ZNF862: variants seen among roughly 807,000 people sequenced by gnomAD.
The protein encoded by ZNF862 is zinc finger protein 862.
A neutral mutation model predicts 91.1 loss-of-function variants in ZNF862; 64 were observed. That is an observed-to-expected ratio of 0.70 (90% CI 0.57 to 0.87). The LOEUF (loss-of-function observed/expected upper bound fraction) is 0.87. Ranked by LOEUF, ZNF862 falls within the 40% of genes least tolerant of loss-of-function variation. The pLI, the probability that ZNF862 is intolerant of heterozygous loss-of-function variation, is 0.00. For missense variants in ZNF862, 1,459 were observed against 1,528.0 expected, an observed-to-expected ratio of 0.95 and a Z score of 0.75; for synonymous variants, 631 against 618.1, an observed-to-expected ratio of 1.02 and a Z score of -0.31.
At chr7:149,859,944 T>C (rs142518303) in intron 6 of ZNF862, 69 of 246,248 alleles carry the variant, frequency 2.8e-4, no homozygotes, top group African/African-American at 1.5e-3. Flanking sequence ...TGGCTTGTAG[T>C]TGCTACACTT....
chr7:149,847,628 TGTGTGC>T, intron 3 of ZNF862, 101 bp from the exon 4 acceptor site: 2 of 594,474 alleles, frequency 3.4e-6, no homozygotes, highest in East Asian at 6.1e-5. Context: ...TGTGTGTGTG[TGTGTGC>T]TTTCCGTCTT....
chr7:149,850,322 G>A lies in ZNF862; in HGVS notation c.1101G>A (p.Glu367=), dbSNP rs1380166759. 2 of 1,612,270 alleles carry A rather than the reference G, an allele frequency of 1.2e-6. No individual in the cohort carries two copies. Among genetic ancestry groups the A allele is most frequent in the South Asian group, 2.2e-5 (2 of 90,974 alleles). Residue 367 remains glutamate, a synonymous_variant, in exon 5 of 8, where the codon GAG becomes GAA. Transcript: ENST00000223210. The surrounding 1 kb of genome is among the most constrained non-coding windows in gnomAD (Gnocchi z 4.2). ...LYRDVMRMNY[E]LLASLGPAAA... is the part of the protein sequence containing the mutation. ...GAGACGTGATGCGGATGAACTACGA[G>A]CTGTTGGCATCCTTGGGTAAAGACG...
intron 7 of ZNF862, among the ~76,000 whole-genome samples, chr7:149,863,257 C>T (rs1453988881): frequency 6.6e-6 from 1 of 152,220 alleles, no homozygotes; most frequent in African/African-American, 2.4e-5. Context: ...CTCCAGACCA[C>T]TCGCGACCAC....
chr7:149,852,139 G>T (rs1754095894), intron 5 of ZNF862: 2 of 151,922 alleles, frequency 1.3e-5, no homozygotes, highest in Admixed American at 1.3e-4. Flanking sequence ...GTATATAATA[G>T]TATTAAATTG....
intron 1 of ZNF862, among the ~76,000 whole-genome samples, chr7:149,843,553 C>T (rs1586040281): frequency 6.6e-6 from 1 of 152,062 alleles, no homozygotes; most frequent in African/African-American, 2.4e-5. Context: ...TTCTTAGCAA[C>T]CTGCCCCCCA....
In ZNF862 at chr7:149,862,517, C is replaced by T. The variant is rs767306131; in HGVS notation, c.3334+23C>T. The T allele has an allele frequency of 2.6e-6, 4 of 1,553,452 alleles. No individual in the cohort carries two copies. The South Asian group carries it at 4.9e-5, about 19-fold the overall frequency. ...CAAGTAAGTACACGTGGCAGAGCTC[C>T]CCCAAGGCAGCCTCATGCTGAGCCA... On this transcript the variant is annotated intron_variant, in intron 7 of 7. Coordinates refer to ENST00000223210, the MANE Select transcript of ZNF862 (RefSeq NM_001099220.3).
intron 2 of ZNF862, among the ~76,000 whole-genome samples, chr7:149,845,566 C>A (rs969801284): frequency 1.3e-5 from 2 of 152,198 alleles, no homozygotes; most frequent in Non-Finnish European, 2.9e-5. Context: ...AGCTCATGGG[C>A]CAGATATGGC....
At position 149,844,165 on chromosome 7, in the gene ZNF862, G is replaced by A. The variant is rs183468659; in HGVS notation, c.25-460G>A. On this transcript the variant is annotated intron_variant, in intron 1 of 7. Transcript: ENST00000223210. ...CAAGCCACACGGGATGTAGATCTCAGCCCCAAAGCATTGCCTGTTTTCATC... is the reference window on the plus strand; with the variant it reads ...CAAGCCACACGGGATGTAGATCTCAACCCCAAAGCATTGCCTGTTTTCATC... Among the ~76,000 whole-genome samples, 8 of 152,216 alleles carry A rather than the reference G, an allele frequency of 5.3e-5. No individual in the cohort carries two copies. In the East Asian group the frequency reaches 1.5e-3, roughly 29 times the overall value.
Position 149,847,847 on chromosome 7 carries a change from C to G in ZNF862, c.354C>G (p.Gly118=). 6.2e-7 allele frequency: 1 copy of G among 1,613,480 alleles called. No individual in the cohort carries two copies. The highest frequency in any genetic ancestry group is 1.3e-5 in the African/African-American group (1 of 75,018). Residue 118 remains glycine, a synonymous_variant, in exon 4 of 8, where the codon GGC becomes GGG. Transcript: ENST00000223210. ...KKAYLSHLST[G]SGHIEGDWAG... The stretch of plus-strand genomic sequence containing the variant: ...CCTACCTTTCCCACCTCAGTACAGG[C>G]AGTGGACACATCGAGGGAGACTGGG...
intron 1 of ZNF862, among the ~76,000 whole-genome samples, chr7:149,838,990 G>T (rs1391027918): frequency 6.6e-6 from 1 of 152,242 alleles, no homozygotes; most frequent in East Asian, 1.9e-4. Context: ...TGGATCGGAC[G>T]CCAGTGGGAG....
rs1179360509 is a variant in ZNF862 at position 149,844,626 on chromosome 7, C to T, written c.26C>T (p.Ala9Val). ...TAGCAGCTGTCATTTTCCTTTCAGG[C>T]TCCTGTGACGTTTGATGACATCACT... The part of the protein sequence containing the change: MEPRESGK[A>V]PVTFDDITVY... Residue 9 changes from alanine to valine, a missense_variant and splice_region_variant, in exon 2 of 8, where the codon GCT (alanine) becomes GTT (valine). Transcript: ENST00000223210. The T allele has an allele frequency of 1.3e-6, 2 of 1,591,662 alleles. No homozygotes were observed. The highest frequency in any genetic ancestry group is 1.7e-6 in the Non-Finnish European group (2 of 1,167,628).
intron 7 of ZNF862, 42 bp downstream of exon 7, chr7:149,862,536 T>C (rs1335692302): frequency 6.5e-7 from 1 of 1,528,946 alleles, no homozygotes; most frequent in Non-Finnish European, 8.8e-7. Context: ...AGCCTCATGC[T>C]GAGCCAGAGG....
Position 149,846,180 on chromosome 7 carries a change from C to T in ZNF862, c.166C>T (p.Arg56Cys), listed in dbSNP as rs62621204. 0.13 allele frequency: 209,866 copies of T among 1,612,588 alleles called. 14,639 individuals are homozygous for T. Among genetic ancestry groups the T allele is most frequent in the East Asian group, 0.26 (11,504 of 44,826 alleles). Residue 56 changes from arginine (R) to cysteine (C), a missense_variant, in exon 3 of 8, where the codon CGC becomes TGC. By Grantham distance (180) the Arg-to-Cys change is radical (BLOSUM62 -3). Transcript: ENST00000223210. ...GPTVANPELF[R>C]KFGRGPEPWL... ...AACTGTTGCCAATCCTGAGCTGTTC[C>T]GCAAGTTCGGACGAGGGCCAGAGCC...
At position 149,850,443 on chromosome 7, in the gene ZNF862, T is replaced by C. The variant is rs1165043602; in HGVS notation, c.1117+105T>C. The C allele has an allele frequency of 4.8e-6, 6 of 1,237,436 alleles. No individual in the cohort carries two copies. Among genetic ancestry groups the C allele is most frequent in the East Asian group, 5.1e-5 (2 of 39,492 alleles). 76.7% of individuals were successfully genotyped at this position (1,237,436 alleles called of 1,614,324 possible). A position where few individuals can be genotyped will look rare whatever the true frequency, so the allele number is the denominator to read the frequency against. On this transcript the variant is annotated intron_variant, in intron 5 of 7. Coordinates refer to ENST00000223210, the MANE Select transcript of ZNF862 (RefSeq NM_001099220.3). This position sits in a 1 kb window ranked among gnomAD's most constrained non-coding sequence, Gnocchi z 4.2. Reference sequence around the variant, plus strand: ...TCTTCCCATTCCTGCCCCCTCCCTGTGTGTAGGCAGAGACCGATCCTGTCT... The same window carrying C: ...TCTTCCCATTCCTGCCCCCTCCCTGCGTGTAGGCAGAGACCGATCCTGTCT...
chr7:149,860,527 T>G lies in ZNF862; in HGVS notation c.1367T>G (p.Ile456Ser). ...ICEEGDGPRR[I>S]KRTYRPRSIQ... ...GAGGAAGGAGATGGACCTAGGAGAATCAAGAGGACATACAGGCCCCGTTCC... is the reference window on the plus strand; with the variant it reads ...GAGGAAGGAGATGGACCTAGGAGAAGCAAGAGGACATACAGGCCCCGTTCC... Residue 456 changes from isoleucine to serine, a missense_variant, in exon 7 of 8, where the codon ATC (isoleucine) becomes AGC (serine). Physicochemically the swap from Ile to Ser is moderately radical, Grantham distance 142. Coordinates refer to ENST00000223210, the MANE Select transcript of ZNF862 (RefSeq NM_001099220.3). 1 of 1,613,898 alleles carries G rather than the reference T, an allele frequency of 6.2e-7. No individual in the cohort carries two copies. Among genetic ancestry groups the G allele is most frequent in the Non-Finnish European group, 8.5e-7 (1 of 1,179,874 alleles).
chr7:149,853,695 T>C (rs532716995), intron 5 of ZNF862, among the ~76,000 whole-genome samples: 14 of 152,146 alleles, frequency 9.2e-5, no homozygotes, highest in Non-Finnish European at 1.8e-4. Context: ...CCCAGCACTT[T>C]GGGAGACTGA....
Position 149,860,994 on chromosome 7 carries a change from A to T in ZNF862, c.1834A>T (p.Arg612Trp), listed in dbSNP as rs759526602. 1.2e-6 allele frequency: 2 copies of T among 1,613,460 alleles called. No individual in the cohort carries two copies. Among genetic ancestry groups the T allele is most frequent in the South Asian group, 2.2e-5 (2 of 91,012 alleles). Residue 612 changes from arginine to tryptophan, a missense_variant, in exon 7 of 8, where the codon AGG (arginine) becomes TGG (tryptophan). Arg to Trp is a moderately radical substitution (Grantham distance 101). Coordinates refer to ENST00000223210, the MANE Select transcript of ZNF862 (RefSeq NM_001099220.3). The stretch of plus-strand genomic sequence containing the variant: ...CAAGTACATCTCAGAGACCCTGAAG[A>T]GGGAGATCCTGGAGGACGTGCGGAA... ...FIKYISETLK[R>W]EILEDVRNSP...
chr7:149,842,230 G>A (rs113048371), intron 1 of ZNF862, among the ~76,000 whole-genome samples: 4,119 of 152,256 alleles, frequency 0.027, 178 homozygotes, highest in African/African-American at 0.094. Context: ...GGAAAGGTGC[G>A]AGATAGGCTG....
chr7:149,839,579 G>A (rs1028665342), intron 1 of ZNF862, among the ~76,000 whole-genome samples: 1 of 152,192 alleles, frequency 6.6e-6, no homozygotes, highest in Non-Finnish European at 1.5e-5. Flanking sequence ...ACGCCTGAAA[G>A]GGTTGTCCCA....
Sources: gnomAD v4.1 joint callset for allele counts (sites outside exome capture counted in the v4.1 genomes callset) on GRCh38, gnomAD v4.1.1 for gene constraint, Gnocchi (gnomAD v3.1) non-coding constraint, MANE v1.5 for transcripts, NCBI Gene and HGNC (gene_info 2026-07-23, HGNC 2026-07-21) for gene names.